The following AHCTF1 variants were observed in gnomAD, a reference collection of about 807,000 sequenced individuals.
The protein encoded by AHCTF1 is AT-hook containing transcription factor 1, also known as protein ELYS.
A neutral mutation model predicts 248.4 loss-of-function variants in AHCTF1; 24 were observed. The observed-to-expected ratio is 0.10, with a 90% CI of 0.07 to 0.14. The LOEUF (loss-of-function observed/expected upper bound fraction) is 0.14. Ranked by LOEUF, AHCTF1 falls within the 10% of genes least tolerant of loss-of-function variation. The pLI is 1.00. For synonymous variants in AHCTF1, 786 were observed against 929.8 expected (o/e 0.85, Z 2.81); for missense variants, 2,206 against 2,636.2 (o/e 0.84, Z 3.57).
chr1:246,920,720 A>T (rs2103237422), intron 1 of AHCTF1, among the ~76,000 whole-genome samples: 1 of 151,536 alleles, frequency 6.6e-6, no homozygotes, highest in South Asian at 2.1e-4. Context: ...CAGTGAGCCG[A>T]GATCGCACCA....
At chr1:246,842,992 T>C (rs1659989579) in intron 34 of AHCTF1, among the ~76,000 whole-genome samples, 1 of 152,200 alleles carries the variant, frequency 6.6e-6, no homozygotes, top group Non-Finnish European at 1.5e-5. Flanking sequence ...CTCCAAGTTA[T>C]CATCAGTTTT....
chr1:246,888,132 A>C lies in AHCTF1; in HGVS notation c.2325+45T>G, dbSNP rs781481823. 10 of 1,584,660 alleles carry C rather than the reference A, an allele frequency of 6.3e-6. No homozygotes were observed. In the Admixed American group the frequency reaches 1.5e-4, roughly 24 times the overall value. ...GTTTCCACTACTCTTGAAATTTTAT[A>C]ATTTTAGTAATACATGAAACACTGG... On this transcript the variant is annotated intron_variant, in intron 19 of 35. Transcript: ENST00000648844.
chr1:246,852,519 G>A (rs1338574613), intron 32 of AHCTF1, among the ~76,000 whole-genome samples: 3 of 151,752 alleles, frequency 2.0e-5, no homozygotes, highest in African/African-American at 7.3e-5. Context: ...TTATTAAGTA[G>A]CAAAAAGTTA....
chr1:246,907,988 T>C (rs1665515561), intron 4 of AHCTF1, among the ~76,000 whole-genome samples: 1 of 152,208 alleles, frequency 6.6e-6, no homozygotes, highest in Non-Finnish European at 1.5e-5. Context: ...ATTTAAAAAT[T>C]CTCTCAGTAC....
intron 1 of AHCTF1, among the ~76,000 whole-genome samples, chr1:246,930,330 A>G (rs866039551): frequency 6.6e-6 from 1 of 151,754 alleles, no homozygotes; most frequent in African/African-American, 2.4e-5. Flanking sequence ...TGTTTTAAAA[A>G]TTTTTTCAAG....
chr1:246,860,838 A>G (rs1661485490), intron 29 of AHCTF1, 61 bp downstream of exon 29: 2 of 1,553,614 alleles, frequency 1.3e-6, no homozygotes, highest in Non-Finnish European at 1.7e-6. Context: ...AAAAAATTCT[A>G]TTATAAACTT....
intron 1 of AHCTF1, among the ~76,000 whole-genome samples, chr1:246,922,542 G>T (rs1197352698): frequency 2.6e-5 from 4 of 150,966 alleles, no homozygotes; most frequent in African/African-American, 7.3e-5. Flanking sequence ...CTCTCGTCTC[G>T]TGCCACCATG....
At chr1:246,898,581 G>A (rs1377437812) in intron 11 of AHCTF1, among the ~76,000 whole-genome samples, 1 of 150,848 alleles carries the variant, frequency 6.6e-6, no homozygotes, top group East Asian at 1.9e-4. Flanking sequence ...TAACCCTGCT[G>A]TCTTCTCTAA....
At chr1:246,890,496 T>C (rs544774711) in intron 16 of AHCTF1, among the ~76,000 whole-genome samples, 2 of 152,186 alleles carry the variant, frequency 1.3e-5, no homozygotes, top group African/African-American at 2.4e-5. Context: ...TAAACAAATA[T>C]AGCACAAGTC....
At chr1:246,868,850 T>G (rs1478547814) in intron 24 of AHCTF1, among the ~76,000 whole-genome samples, 2 of 130,194 alleles carry the variant, frequency 1.5e-5, no homozygotes, top group African/African-American at 3.5e-5. Context: ...TTTTTTGTTT[T>G]TTTTTTTTTT....
At chr1:246,860,573 T>C (rs757967887) in intron 29 of AHCTF1, among the ~76,000 whole-genome samples, 13 of 152,186 alleles carry the variant, frequency 8.5e-5, no homozygotes, top group Non-Finnish European at 1.8e-4. Flanking sequence ...CCTTCTGAGA[T>C]AGGGTCTTGC....
At chr1:246,896,005 A>T (rs1572430488) in intron 12 of AHCTF1, 80 bp from the exon 13 acceptor site, 5 of 1,200,802 alleles carry the variant, frequency 4.2e-6, no homozygotes, top group Non-Finnish European at 6.0e-6. Context: ...TTTAGAATTT[A>T]AAAATTTTAA....
chr1:246,885,402 G>A (rs941696068), intron 21 of AHCTF1, 91 bp downstream of exon 21: 15 of 1,091,458 alleles, frequency 1.4e-5, no homozygotes, highest in Non-Finnish European at 1.9e-5. Context: ...CTGACTTAAC[G>A]GCCAATTGTA....
Position 246,849,525 on chromosome 1 carries a change from C to G in AHCTF1, c.6391+90G>C, listed in dbSNP as rs906587838. 6.7e-6 allele frequency: 10 copies of G among 1,485,600 alleles called. No homozygotes were observed. In the African/African-American group the frequency reaches 9.9e-5, roughly 15 times the overall value. 92.0% of individuals were successfully genotyped at this position (1,485,600 alleles called of 1,614,324 possible). A position where few individuals can be genotyped will look rare whatever the true frequency, so the allele number is the denominator to read the frequency against. Reference sequence around the variant, plus strand: ...GTTTGAGGGGGGAAGGGGAAAAATTCCCTATAAAACCATTTTTAGGACAAA... The same window carrying G: ...GTTTGAGGGGGGAAGGGGAAAAATTGCCTATAAAACCATTTTTAGGACAAA... On this transcript the variant is annotated intron_variant, in intron 33 of 35. Coordinates refer to ENST00000648844, the MANE Select transcript of AHCTF1 (RefSeq NM_001323342.2).
chr1:246,905,722 G>T, intron 5 of AHCTF1, 65 bp from the exon 6 acceptor site: 2 of 1,318,714 alleles, frequency 1.5e-6, no homozygotes, highest in Non-Finnish European at 2.1e-6. Context: ...GGTACATCAT[G>T]TAAGAACTTG....
At chr1:246,876,005 T>C (rs766638956) in intron 24 of AHCTF1, 32 bp downstream of exon 24, 7 of 1,544,700 alleles carry the variant, frequency 4.5e-6, no homozygotes, top group South Asian at 2.4e-5. Context: ...TTTGATCCAA[T>C]AGATTATGAT....
chr1:246,912,457 T>TA, intron 4 of AHCTF1, among the ~76,000 whole-genome samples: 1 of 150,484 alleles, frequency 6.6e-6, no homozygotes, highest in South Asian at 2.1e-4. Flanking sequence ...CACTCCAGCC[T>TA]GGCAACAGAG....
intron 17 of AHCTF1, 58 bp downstream of exon 17, chr1:246,889,908 C>T (rs1664101305): frequency 1.5e-6 from 2 of 1,304,324 alleles, no homozygotes. Context: ...ACGATGAACA[C>T]TATTCTGAGA....
At chr1:246,860,663 G>A (rs781529581) in intron 29 of AHCTF1, among the ~76,000 whole-genome samples, 3 of 152,090 alleles carry the variant, frequency 2.0e-5, no homozygotes, top group Non-Finnish European at 2.9e-5. Context: ...CACCATGCCT[G>A]GCTAATTTTT....
Sources: gnomAD v4.1 joint callset for allele counts (sites outside exome capture counted in the v4.1 genomes callset) on GRCh38, gnomAD v4.1.1 for gene constraint, MANE v1.5 for transcripts, NCBI Gene and HGNC (gene_info 2026-07-23, HGNC 2026-07-21) for gene names.